The following GALNT13 variants were observed in gnomAD, a reference collection of about 807,000 sequenced individuals.
GALNT13 encodes the protein polypeptide N-acetylgalactosaminyltransferase 13, also known as UDP-GalNAc:polypeptide N-acetylgalactosaminyltransferase 13.
In GALNT13, 28 loss-of-function variants were observed where a neutral mutation model predicts 64.2. The ratio of observed to expected loss-of-function variants is 0.44; its 90% CI spans 0.32 to 0.60. The LOEUF (loss-of-function observed/expected upper bound fraction) is 0.60. Among genes scored for constraint, GALNT13 ranks in the 20% least tolerant of loss-of-function variants. The pLI is 0.05. For synonymous variants in GALNT13, 214 were observed against 224.6 expected (o/e 0.95, Z 0.42); for missense variants, 577 against 669.8 (o/e 0.86, Z 1.53).
the GALNT13 span, among the ~76,000 whole-genome samples, chr2:153,429,518 T>C: frequency 2.0e-5 from 3 of 152,168 alleles, no homozygotes; most frequent in Non-Finnish European, 4.4e-5. Context: ...AAGTAACTTT[T>C]CATAGAGCAT....
At chr2:153,396,034 A>G in the GALNT13 span, among the ~76,000 whole-genome samples, 1 of 152,138 alleles carries the variant, frequency 6.6e-6, no homozygotes, top group African/African-American at 2.4e-5. Flanking sequence ...TGGTATGTAA[A>G]TAAATGGGTG....
chr2:153,610,393 G>T, the GALNT13 span, among the ~76,000 whole-genome samples: 276 of 152,242 alleles, frequency 1.8e-3, 1 homozygote, highest in Middle Eastern at 6.8e-3. Context: ...AAACAGATTG[G>T]GCCGGGCGCT....
chr2:154,160,409 C>T (rs1042126240), intron 4 of GALNT13, among the ~76,000 whole-genome samples: 21 of 152,164 alleles, frequency 1.4e-4, no homozygotes, highest in African/African-American at 5.1e-4. Context: ...AGAGGAGAGA[C>T]TTGAGTGCAA....
At chr2:153,633,905 A>G in the GALNT13 span, among the ~76,000 whole-genome samples, 2 of 152,210 alleles carry the variant, frequency 1.3e-5, no homozygotes, top group Admixed American at 6.6e-5. Context: ...TGTGGACAGA[A>G]CTGTCAATCT....
At chr2:154,155,755 A>G (rs895890746) in intron 4 of GALNT13, among the ~76,000 whole-genome samples, 3 of 151,974 alleles carry the variant, frequency 2.0e-5, no homozygotes, top group African/African-American at 7.2e-5. Flanking sequence ...TTAAATTAGA[A>G]AATTTATATT....
At chr2:154,371,428 G>C (rs774110098) in intron 9 of GALNT13, among the ~76,000 whole-genome samples, 3 of 150,154 alleles carry the variant, frequency 2.0e-5, no homozygotes, top group Non-Finnish European at 3.0e-5. Context: ...TGACAGCAGA[G>C]GGGTGACCAT....
chr2:153,747,413 G>A, the GALNT13 span, among the ~76,000 whole-genome samples: 1 of 140,254 alleles, frequency 7.1e-6, no homozygotes, highest in Non-Finnish European at 1.5e-5. Flanking sequence ...ATCTCCAAAA[G>A]TGCCTTTGGT....
intron 3 of GALNT13, among the ~76,000 whole-genome samples, chr2:154,009,720 C>T (rs1696499708): frequency 1.3e-5 from 2 of 152,052 alleles, no homozygotes; most frequent in African/African-American, 4.8e-5. Flanking sequence ...GAACTCCTGA[C>T]CTCAGGTGAT....
the GALNT13 span, among the ~76,000 whole-genome samples, chr2:153,208,755 TGCAATTCCACCA>T: frequency 6.6e-6 from 1 of 152,178 alleles, no homozygotes; most frequent in Non-Finnish European, 1.5e-5. Flanking sequence ...TGTACTATTT[TGCAATTCCACCA>T]GCAACATATG....
intron 4 of GALNT13, among the ~76,000 whole-genome samples, chr2:154,215,401 A>G (rs1687989090): frequency 1.3e-5 from 2 of 152,134 alleles, no homozygotes. Context: ...GGATAAACAC[A>G]GTGCCTCACT....
the GALNT13 span, among the ~76,000 whole-genome samples, chr2:153,422,857 A>T: frequency 2.4e-4 from 36 of 152,190 alleles, no homozygotes; most frequent in African/African-American, 8.4e-4. Context: ...GACAAAAACG[A>T]CAATAACAGC....
the GALNT13 span, among the ~76,000 whole-genome samples, chr2:153,356,220 A>T: frequency 6.6e-6 from 1 of 152,212 alleles, no homozygotes; most frequent in East Asian, 1.9e-4. Context: ...AGAAATTCAG[A>T]AAAAGTAGAT....
At chr2:154,084,191 G>T (rs754427128) in intron 3 of GALNT13, among the ~76,000 whole-genome samples, 1 of 151,674 alleles carries the variant, frequency 6.6e-6, no homozygotes, top group Admixed American at 6.6e-5. Context: ...TATTGTAAAA[G>T]GTTAAAGAAC....
At chr2:154,095,663 A>T (rs1702039088) in intron 3 of GALNT13, among the ~76,000 whole-genome samples, 1 of 152,034 alleles carries the variant, frequency 6.6e-6, no homozygotes, top group African/African-American at 2.4e-5. Context: ...TTCTATATTT[A>T]TTCAGTCTTT....
At chr2:154,170,286 G>A (rs1475065794) in intron 4 of GALNT13, among the ~76,000 whole-genome samples, 1 of 152,070 alleles carries the variant, frequency 6.6e-6, no homozygotes, top group African/African-American at 2.4e-5. Flanking sequence ...ATTTCTTCCA[G>A]AAACACCCTC....
the GALNT13 span, among the ~76,000 whole-genome samples, chr2:153,551,329 C>A: frequency 6.6e-6 from 1 of 152,076 alleles, no homozygotes; most frequent in Non-Finnish European, 1.5e-5. Context: ...CTACAGGAAC[C>A]AATAGAGCAT....
chr2:153,397,170 A>G, the GALNT13 span, among the ~76,000 whole-genome samples: 1 of 152,318 alleles, frequency 6.6e-6, no homozygotes, highest in Non-Finnish European at 1.5e-5. Flanking sequence ...TGCTGTAATG[A>G]CAAATGCCTT....
chr2:154,214,490 G>A (rs377277135), intron 4 of GALNT13, among the ~76,000 whole-genome samples: 1 of 152,062 alleles, frequency 6.6e-6, no homozygotes, highest in East Asian at 1.9e-4. Flanking sequence ...GCTCTGGGTC[G>A]CCATCCAAAT....
intron 1 of GALNT13, among the ~76,000 whole-genome samples, chr2:153,883,559 A>C (rs2105245050): frequency 6.6e-6 from 1 of 152,208 alleles, no homozygotes; most frequent in Admixed American, 6.5e-5. Flanking sequence ...ACTATGGTTA[A>C]GAAAAACAGA....
Sources: allele counts gnomAD v4.1 joint callset (sites outside exome capture counted in the v4.1 genomes callset), GRCh38; gene constraint gnomAD v4.1.1; transcripts MANE v1.5; gene names NCBI Gene and HGNC (gene_info 2026-07-23, HGNC 2026-07-21).